The following EXOC4 variants were observed in gnomAD, a reference collection of about 807,000 sequenced individuals.
The protein encoded by EXOC4 is exocyst complex component 4.
Under a neutral mutation model 107.2 loss-of-function variants are expected in EXOC4, and 71 were observed. The observed-to-expected ratio is 0.66, with a 90% CI of 0.55 to 0.81. The LOEUF (loss-of-function observed/expected upper bound fraction) is 0.81, where lower values mean the gene tolerates loss of function less well. Ranked by LOEUF, EXOC4 falls within the 30% of genes least tolerant of loss-of-function variation. The probability of loss-of-function intolerance (pLI) is 0.00; values close to 1 mark genes in which losing one functional copy is unlikely to be tolerated. For missense variants in EXOC4, 1,108 were observed against 1,189.6 expected, an observed-to-expected ratio of 0.93 and a Z score of 1.01; for synonymous variants, 456 against 441.2, an observed-to-expected ratio of 1.03 and a Z score of -0.42.
intron 7 of EXOC4, among the ~76,000 whole-genome samples, chr7:133,470,100 GA>G (rs2150840122): frequency 6.6e-6 from 1 of 152,284 alleles, no homozygotes; most frequent in Non-Finnish European, 1.5e-5. Context: ...TTTGTAAGCT[GA>G]AAAGTTGCCT....
intron 10 of EXOC4, among the ~76,000 whole-genome samples, chr7:133,768,618 A>G (rs952881429): frequency 6.6e-6 from 1 of 152,132 alleles, no homozygotes; most frequent in African/African-American, 2.4e-5. Flanking sequence ...CTTAGTTATC[A>G]TATGAAATTT....
chr7:133,762,574 TATAA>T (rs1796054956), intron 10 of EXOC4, among the ~76,000 whole-genome samples: 2 of 152,174 alleles, frequency 1.3e-5, no homozygotes, highest in African/African-American at 4.8e-5. Context: ...TTGATATGCA[TATAA>T]ATATTTTTGC....
intron 14 of EXOC4, among the ~76,000 whole-genome samples, chr7:133,957,830 A>C (rs74457376): frequency 4.6e-5 from 7 of 152,362 alleles, no homozygotes; most frequent in African/African-American, 1.4e-4. Flanking sequence ...GGGGTTAATT[A>C]GCCATGTTGC....
intron 17 of EXOC4, among the ~76,000 whole-genome samples, chr7:134,016,901 A>C (rs1794921828): frequency 6.6e-6 from 1 of 152,102 alleles, no homozygotes; most frequent in Non-Finnish European, 1.5e-5. Flanking sequence ...CCAGACTGAG[A>C]ATGTCTGTGG....
At chr7:133,943,018 C>G (rs188487246) in intron 14 of EXOC4, among the ~76,000 whole-genome samples, 1 of 152,082 alleles carries the variant, frequency 6.6e-6, no homozygotes, top group South Asian at 2.1e-4. Context: ...TAGCCACTAG[C>G]CTTGTGTGGC....
At chr7:133,958,059 G>T (rs948253024) in intron 14 of EXOC4, among the ~76,000 whole-genome samples, 3 of 152,100 alleles carry the variant, frequency 2.0e-5, no homozygotes, top group Admixed American at 6.5e-5. Flanking sequence ...ATGTTGACAG[G>T]GCCAGTATCA....
intron 17 of EXOC4, among the ~76,000 whole-genome samples, chr7:134,058,526 T>A (rs943444876): frequency 1.3e-5 from 2 of 152,108 alleles, no homozygotes; most frequent in African/African-American, 2.4e-5. Flanking sequence ...ACTCCCAAAT[T>A]AAGTGTTAAA....
At chr7:133,665,172 T>C (rs1793784113) in intron 10 of EXOC4, among the ~76,000 whole-genome samples, 1 of 152,218 alleles carries the variant, frequency 6.6e-6, no homozygotes. Context: ...CAGGAATCTA[T>C]ACTGATTTCT....
intron 9 of EXOC4, among the ~76,000 whole-genome samples, chr7:133,545,385 G>A (rs746469426): frequency 1.3e-5 from 2 of 152,028 alleles, no homozygotes; most frequent in Non-Finnish European, 2.9e-5. Flanking sequence ...TTAAATAAGT[G>A]TAAAATGCCT....
intron 10 of EXOC4, among the ~76,000 whole-genome samples, chr7:133,639,361 A>G (rs543249847): frequency 1.2e-4 from 18 of 152,286 alleles, no homozygotes; most frequent in Non-Finnish European, 2.1e-4. Context: ...TTCTTTGGTC[A>G]TAAGTGTCAT....
At chr7:133,308,317 G>A (rs1794798209) in intron 4 of EXOC4, among the ~76,000 whole-genome samples, 1 of 152,184 alleles carries the variant, frequency 6.6e-6, no homozygotes, top group African/African-American at 2.4e-5. Flanking sequence ...TGGAAATAGG[G>A]TCTTTTAGAA....
At chr7:133,857,174 A>G (rs1339558066) in intron 11 of EXOC4, among the ~76,000 whole-genome samples, 1 of 17,888 alleles carries the variant, frequency 5.6e-5, no homozygotes, top group African/African-American at 3.1e-4. Context: ...ATATATATAT[A>G]TATATATATA....
At chr7:133,749,401 CT>C (rs908002830) in intron 10 of EXOC4, among the ~76,000 whole-genome samples, 1 of 151,012 alleles carries the variant, frequency 6.6e-6, no homozygotes, top group Non-Finnish European at 1.5e-5. Flanking sequence ...TGTTTTGAGT[CT>C]TTTTTTTTGA....
At chr7:133,494,504 A>G (rs1181420880) in intron 9 of EXOC4, among the ~76,000 whole-genome samples, 1 of 152,222 alleles carries the variant, frequency 6.6e-6, no homozygotes, top group Non-Finnish European at 1.5e-5. Context: ...ATGATTATCT[A>G]CCATTTCTAG....
At chr7:133,394,434 T>C (rs924516376) in intron 7 of EXOC4, among the ~76,000 whole-genome samples, 16 of 152,312 alleles carry the variant, frequency 1.1e-4, no homozygotes, top group African/African-American at 3.6e-4. Flanking sequence ...GTTAAGTCTG[T>C]CCTTAGAATC....
chr7:133,306,038 T>G lies in EXOC4; in HGVS notation c.633T>G (p.Arg211=). 6.2e-7 allele frequency: 1 copy of G among 1,612,066 alleles called. No homozygotes were observed. Among genetic ancestry groups the G allele is most frequent in the Non-Finnish European group, 8.5e-7 (1 of 1,179,096 alleles). The change falls in exon 4 of 18, where the codon CGT becomes CGG. Residue 211 remains arginine, a synonymous_variant. Coordinates refer to ENST00000253861, the MANE Select transcript of EXOC4 (RefSeq NM_021807.4). ...YIKSTSRVVQ[R]NKEKGKISSL... The stretch of plus-strand genomic sequence containing the variant: ...AATCGACTAGCCGAGTTGTGCAGCG[T>G]AACAAGGAAAAAGGGAAAATCAGGT...
intron 1 of EXOC4, among the ~76,000 whole-genome samples, chr7:133,255,076 A>C (rs923049034): frequency 6.6e-6 from 1 of 152,004 alleles, no homozygotes; most frequent in Admixed American, 6.6e-5. Flanking sequence ...TCCATCTCTT[A>C]TGCCAGTTTA....
At chr7:133,357,317 T>C (rs1006230205) in intron 6 of EXOC4, among the ~76,000 whole-genome samples, 10 of 152,294 alleles carry the variant, frequency 6.6e-5, no homozygotes, top group Admixed American at 2.0e-4. Flanking sequence ...AGCTCAGAGA[T>C]TGAATAATTA....
chr7:133,934,447 T>G (rs1479523180), intron 13 of EXOC4, among the ~76,000 whole-genome samples: 2 of 152,200 alleles, frequency 1.3e-5, no homozygotes, highest in East Asian at 3.8e-4. Context: ...TGTATTTTTC[T>G]CAGTCTATTG....
Sources: gnomAD v4.1 joint callset for allele counts (sites outside exome capture counted in the v4.1 genomes callset) on GRCh38, gnomAD v4.1.1 for gene constraint, MANE v1.5 for transcripts, NCBI Gene and HGNC (gene_info 2026-07-23, HGNC 2026-07-21) for gene names.